Variants in RBMS3 observed in about 807,000 individuals in gnomAD.
RBMS3 encodes RNA binding motif single stranded interacting protein 3.
Under a neutral mutation model 66.8 loss-of-function variants are expected in RBMS3, and 27 were observed. The observed-to-expected ratio is 0.40, with a 90% confidence interval of 0.30 to 0.56. The LOEUF is 0.56. Ranked by LOEUF, RBMS3 falls within the 20% of genes least tolerant of loss-of-function variation. The pLI is 0.40. For missense variants in RBMS3, 513 were observed against 549.5 expected, an observed-to-expected ratio of 0.93 and a Z score of 0.66; for synonymous variants, 188 against 183.0, an observed-to-expected ratio of 1.03 and a Z score of -0.22.
intron 4 of RBMS3, among the ~76,000 whole-genome samples, chr3:29,632,849 C>T (rs886422022): frequency 1.3e-5 from 2 of 151,878 alleles, no homozygotes; most frequent in Non-Finnish European, 2.9e-5. Flanking sequence ...CAGATCCTTC[C>T]TCTGCTTATT....
chr3:29,970,195 G>A (rs1282184832), intron 12 of RBMS3, among the ~76,000 whole-genome samples: 1 of 152,140 alleles, frequency 6.6e-6, no homozygotes, highest in African/African-American at 2.4e-5. Context: ...GGGAAAAACT[G>A]TCCGTAGTAG....
rs770161728 is a variant in RBMS3 at position 29,880,892 on chromosome 3, C to G, written c.745-3270C>G. ...CCTTAGATTCTCTCCACCTCCCTCT[C>G]CCAAGGTACCTACTCTAGTTACTCA... On this transcript the variant is annotated intron_variant, in intron 7 of 14. Transcript: ENST00000383767. 3 of 1,399,272 alleles carry G rather than the reference C, an allele frequency of 2.1e-6. No individual in the cohort carries two copies. In the South Asian group the frequency reaches 3.7e-5, roughly 17 times the overall value. The allele number at this position is 1,399,272 out of a possible 1,614,324, so 86.7% of individuals were successfully genotyped here. A position where few individuals can be genotyped will look rare whatever the true frequency, so the allele number is the denominator to read the frequency against.
At chr3:29,685,057 GTT>G (rs2051658051) in intron 4 of RBMS3, among the ~76,000 whole-genome samples, 1 of 29,370 alleles carries the variant, frequency 3.4e-5, no homozygotes, top group Admixed American at 2.8e-4. Context: ...GTTTTGCTTT[GTT>G]TTGTTTTGTT....
intron 6 of RBMS3, among the ~76,000 whole-genome samples, chr3:29,849,501 G>A (rs1204578103): frequency 6.7e-6 from 1 of 148,446 alleles, no homozygotes; most frequent in Admixed American, 6.7e-5. Context: ...GTGACAGAGT[G>A]AGACTCTGTC....
At chr3:29,566,356 G>T (rs543566906) in intron 3 of RBMS3, among the ~76,000 whole-genome samples, 5 of 152,094 alleles carry the variant, frequency 3.3e-5, no homozygotes, top group Non-Finnish European at 1.5e-5. Flanking sequence ...AACAGCAGGT[G>T]CAAAAGCCTC....
chr3:29,716,070 T>A (rs544467277), intron 4 of RBMS3, among the ~76,000 whole-genome samples: 1 of 152,118 alleles, frequency 6.6e-6, no homozygotes, highest in Admixed American at 6.6e-5. Flanking sequence ...TGGCAAAGAT[T>A]AAGAAGATGG....
chr3:29,888,572 T>A (rs1577074064), intron 8 of RBMS3, among the ~76,000 whole-genome samples: 1 of 151,768 alleles, frequency 6.6e-6, no homozygotes, highest in Admixed American at 6.6e-5. Flanking sequence ...GACTCCCAAG[T>A]CTATACTTCA....
intron 3 of RBMS3, among the ~76,000 whole-genome samples, chr3:29,506,956 C>T (rs2044204439): frequency 6.7e-6 from 1 of 149,122 alleles, no homozygotes; most frequent in Admixed American, 6.7e-5. Flanking sequence ...TTATTTGAGT[C>T]TTCTTTCTTT....
intron 1 of RBMS3, among the ~76,000 whole-genome samples, chr3:29,408,872 A>T (rs1221474989): frequency 6.6e-6 from 1 of 152,204 alleles, no homozygotes. Context: ...AACTTATATT[A>T]GACCATGGCT....
chr3:29,854,918 G>C (rs2059032975), intron 6 of RBMS3, among the ~76,000 whole-genome samples: 1 of 152,124 alleles, frequency 6.6e-6, no homozygotes, highest in Non-Finnish European at 1.5e-5. Flanking sequence ...GCCTGCAATT[G>C]ACTGTACTAT....
At chr3:29,396,258 A>G (rs1348651238) in intron 1 of RBMS3, among the ~76,000 whole-genome samples, 1 of 152,188 alleles carries the variant, frequency 6.6e-6, no homozygotes, top group Non-Finnish European at 1.5e-5. Flanking sequence ...CAAAATAAAG[A>G]GCATTCTTCA....
chr3:29,810,364 G>A (rs2057695684), intron 6 of RBMS3, among the ~76,000 whole-genome samples: 2 of 152,064 alleles, frequency 1.3e-5, no homozygotes, highest in Admixed American at 6.6e-5. Flanking sequence ...ATATGTCAGT[G>A]CAGCTTATTT....
At chr3:29,571,113 A>T (rs1436097376) in intron 3 of RBMS3, among the ~76,000 whole-genome samples, 1 of 151,442 alleles carries the variant, frequency 6.6e-6, no homozygotes. Context: ...CCTGTTTGCC[A>T]TTTGTATGTC....
chr3:29,380,236 A>G (rs1003480775), intron 1 of RBMS3, among the ~76,000 whole-genome samples: 1 of 149,588 alleles, frequency 6.7e-6, no homozygotes, highest in African/African-American at 2.5e-5. Flanking sequence ...ACACACACAC[A>G]CGTACATCTA....
chr3:29,349,637 G>C (rs2036785486), intron 1 of RBMS3, among the ~76,000 whole-genome samples: 1 of 152,124 alleles, frequency 6.6e-6, no homozygotes. Context: ...CCTCAATGTA[G>C]ATTTTAGGCC....
chr3:29,635,679 T>C (rs1197952631), intron 4 of RBMS3, among the ~76,000 whole-genome samples: 1 of 151,924 alleles, frequency 6.6e-6, no homozygotes, highest in Non-Finnish European at 1.5e-5. Context: ...GATAGATGCA[T>C]GTCTCACTCG....
At chr3:29,362,276 C>G (rs1476174540) in intron 1 of RBMS3, among the ~76,000 whole-genome samples, 1 of 152,172 alleles carries the variant, frequency 6.6e-6, no homozygotes, top group East Asian at 1.9e-4. Flanking sequence ...AGTCAGGACC[C>G]TCAGCTGCAG....
chr3:29,803,736 A>G (rs2149446699), intron 6 of RBMS3, among the ~76,000 whole-genome samples: 1 of 152,204 alleles, frequency 6.6e-6, no homozygotes, highest in Admixed American at 6.6e-5. Flanking sequence ...ACACACACAC[A>G]TTTGAACACT....
rs2057803882 is a variant in RBMS3, at chr3:29,814,043, A to G, written c.637+51054A>G. 2.6e-5 allele frequency among the ~76,000 whole-genome samples: 4 copies of G among 151,934 alleles called. No individual in the cohort carries two copies. In the South Asian group the frequency reaches 8.3e-4, roughly 31 times the overall value. ...TTGAATAGGAGTGGTGAGAGAGGGCATCCCTGTCTTGTGCCAGTTTTCAAA... is the reference window on the plus strand; with the variant it reads ...TTGAATAGGAGTGGTGAGAGAGGGCGTCCCTGTCTTGTGCCAGTTTTCAAA... On this transcript the variant is annotated intron_variant, in intron 6 of 14. Coordinates refer to ENST00000383767, the MANE Select transcript of RBMS3 (RefSeq NM_001003793.3).
Sources: allele counts gnomAD v4.1 joint callset (sites outside exome capture counted in the v4.1 genomes callset), GRCh38; gene constraint gnomAD v4.1.1; transcripts MANE v1.5; gene names NCBI Gene and HGNC (gene_info 2026-07-23, HGNC 2026-07-21).